RPS24: variants seen among roughly 807,000 people sequenced by gnomAD.
The protein encoded by RPS24 is ribosomal protein S24, also known as small ribosomal subunit protein eS24.
For missense variants in RPS24, 100 were observed against 162.5 expected (o/e 0.62, Z 2.09); for synonymous variants, 72 against 55.6 (o/e 1.30, Z -1.31).
intron 1 of RPS24, 21 bp from the exon 2 acceptor site, chr10:78,035,331 C>T: frequency 1.2e-6 from 2 of 1,611,700 alleles, no homozygotes; most frequent in Non-Finnish European, 1.7e-6. Flanking sequence ...GTTTTATTAA[C>T]CAGAGTGTTT....
At chr10:78,052,848 G>C (rs1189537729) in intron 4 of RPS24, among the ~76,000 whole-genome samples, 1 of 152,120 alleles carries the variant, frequency 6.6e-6, no homozygotes, top group East Asian at 1.9e-4. Context: ...TGGATAGCAG[G>C]CAGTTTTTAA....
rs948332181 is a variant in RPS24 at position 78,054,838 on chromosome 10, C to T, written c.698C>T (p.Pro233Leu). The T allele has an allele frequency of 3.2e-6, 5 of 1,551,450 alleles. No individual in the cohort carries two copies. Among genetic ancestry groups the T allele is most frequent in the African/African-American group, 1.4e-5 (1 of 73,028 alleles). ...GCCTCACCTGCTCCTGCTGGTTCTC[C>T]CCACCCTGTGGACGGTGACTTGGTC... Residue 233 changes from proline (P) to leucine (L), a missense_variant, in exon 5 of 5, where the codon CCC becomes CTC. Pro to Leu is a moderately conservative substitution (Grantham distance 98, BLOSUM62 -3). Coordinates refer to the RPS24 transcript ENST00000440692.
chr10:78,055,205 G>T (rs188440005), exon 5 of RPS24: 11 of 896,214 alleles, frequency 1.2e-5, no homozygotes, highest in Non-Finnish European at 1.5e-5. Context: ...AATCCCCCAC[G>T]ACCTGGCCAC....
intron 1 of RPS24, 123 bp from the exon 2 acceptor site, chr10:78,035,229 A>G: frequency 2.1e-6 from 2 of 958,544 alleles, no homozygotes; most frequent in Admixed American, 3.6e-5. Flanking sequence ...GGTTTTATTT[A>G]CTTTAGTTCG....
intron 4 of RPS24, chr10:78,039,254 TTA>T: frequency 6.6e-6 from 1 of 152,338 alleles, no homozygotes; most frequent in East Asian, 1.9e-4. Context: ...GTCAAAAGAA[TTA>T]GTCAAAATTT....
chr10:78,041,884 G>T (rs1564630868), downstream of RPS24, among the ~76,000 whole-genome samples: 1 of 152,234 alleles, frequency 6.6e-6, no homozygotes, highest in African/African-American at 2.4e-5. Context: ...TTGAAGGTTG[G>T]CATCAAAGTC....
exon 5 of RPS24, chr10:78,055,150 C>T: frequency 7.5e-6 from 10 of 1,325,682 alleles, no homozygotes; most frequent in Non-Finnish European, 9.7e-6. Flanking sequence ...TCCAGGGCTC[C>T]ACATCTCTCT....
Position 78,054,648 on chromosome 10 carries a change from G to C in RPS24, c.508G>C (p.Val170Leu), listed in dbSNP as rs1056787076. 7 of 1,551,612 alleles carry C rather than the reference G, an allele frequency of 4.5e-6. No homozygotes were observed. The African/African-American group carries it at 9.6e-5, about 21-fold the overall frequency. Reference sequence around the variant, plus strand: ...CCGGGGGGTTGTGTGGCAGGTAGAAGTGCCAGGACCGTGGAGCGTGTGGAC... The same window carrying C: ...CCGGGGGGTTGTGTGGCAGGTAGAACTGCCAGGACCGTGGAGCGTGTGGAC... Residue 170 changes from valine (V) to leucine (L), a missense_variant, in exon 5 of 5, where the codon GTG (valine) becomes CTG (leucine). By Grantham distance (32) the Val-to-Leu change is conservative. Transcript: ENST00000440692.
rs573950340 is a variant in RPS24, at chr10:78,046,379, G to A, written c.391-8152G>A. ...TTTTTTTTTTTTGAGAATGAGTCTC[G>A]CTCTGTCACCCAGGCTGGAGCTCTG... On this transcript the variant is annotated intron_variant, in intron 4 of 4. Transcript: ENST00000440692. Among the ~76,000 whole-genome samples the A allele has an allele frequency of 1.1e-3, 136 of 125,164 alleles. 1 individual carries two copies. The highest frequency in any genetic ancestry group is 4.4e-3 in the African/African-American group (127 of 28,702). The allele number at this position is 125,164 out of a possible 152,430, so 82.1% of individuals were successfully genotyped here.
intron 1 of RPS24, 149 bp downstream of exon 1, chr10:78,034,053 G>C: frequency 2.9e-6 from 3 of 1,017,224 alleles, no homozygotes; most frequent in South Asian, 2.5e-5. Flanking sequence ...GGGGCTCGGG[G>C]CTGTTGGCAG....
At chr10:78,050,617 A>G (rs1848089629) in intron 4 of RPS24, among the ~76,000 whole-genome samples, 1 of 152,078 alleles carries the variant, frequency 6.6e-6, no homozygotes, top group African/African-American at 2.4e-5. Flanking sequence ...CTAATTTTTA[A>G]ACATTTTGAT....
chr10:78,040,118 G>T (rs1847960826), intron 4 of RPS24, 86 bp from the exon 5 acceptor site: 7 of 1,306,210 alleles, frequency 5.4e-6, no homozygotes, highest in Non-Finnish European at 7.8e-6. Context: ...CTTAAATGCA[G>T]ATTATTTTGG....
chr10:78,044,447 T>A (rs181338228), downstream of RPS24, among the ~76,000 whole-genome samples: 388 of 152,236 alleles, frequency 2.5e-3, 7 homozygotes, highest in Non-Finnish European at 3.6e-3. Context: ...GAGCAGAGTT[T>A]TGCACAATGC....
intron 4 of RPS24, among the ~76,000 whole-genome samples, chr10:78,048,349 A>G (rs968313457): frequency 2.8e-4 from 42 of 152,024 alleles, no homozygotes; most frequent in African/African-American, 8.7e-4. Context: ...TTCCAAAAAT[A>G]CATTGCCTCG....
chr10:78,054,897 ACT>A lies in RPS24; in HGVS notation c.760_761del (p.Leu254ValfsTer16). On this transcript the variant is annotated frameshift_variant, in exon 5 of 5. Coordinates refer to the RPS24 transcript ENST00000440692. LOFTEE classifies it low-confidence loss of function (END_TRUNC). ...GCCAGAAGCCTTGTCAGCAACCTTGACTCTGTCACCCCACATCCAGGCCATCA... is the reference window on the plus strand; with the variant it reads ...GCCAGAAGCCTTGTCAGCAACCTTGACTGTCACCCCACATCCAGGCCATCA... 6.5e-7 allele frequency: 1 copy of A among 1,540,420 alleles called. No individual in the cohort carries two copies.
In RPS24 at chr10:78,035,063, G is replaced by A. The variant is rs75545941; in HGVS notation, c.4-289G>A. On this transcript the variant is annotated intron_variant, in intron 1 of 5. Transcript: ENST00000372360. ...CATATCCATATGGAATTATCCATATGGAAATATCAGTAGTGCTGAGGTTGA... is the reference window on the plus strand; with the variant it reads ...CATATCCATATGGAATTATCCATATAGAAATATCAGTAGTGCTGAGGTTGA... Among the ~76,000 whole-genome samples, 2,358 of 152,224 alleles carry A rather than the reference G, an allele frequency of 0.015. 56 individuals are homozygous for A. The highest frequency in any genetic ancestry group is 0.052 in the African/African-American group (2,143 of 41,526).
At chr10:78,051,341 G>C (rs1381743420) in intron 4 of RPS24, among the ~76,000 whole-genome samples, 1 of 152,200 alleles carries the variant, frequency 6.6e-6, no homozygotes, top group Admixed American at 6.5e-5. Context: ...AAATCATATA[G>C]TGTATATAGG....
chr10:78,035,136 A>G (rs569945991), intron 1 of RPS24, among the ~76,000 whole-genome samples: 3 of 152,358 alleles, frequency 2.0e-5, no homozygotes, highest in African/African-American at 7.2e-5. Context: ...TAAGTTGTAC[A>G]GATTCATGTG....
downstream of RPS24, among the ~76,000 whole-genome samples, chr10:78,041,733 G>A (rs1483984303): frequency 6.6e-6 from 1 of 152,152 alleles, no homozygotes; most frequent in Non-Finnish European, 1.5e-5. Flanking sequence ...GATGGGATGG[G>A]ATGGGATGGG....
Sources: gnomAD v4.1 joint callset for allele counts (sites outside exome capture counted in the v4.1 genomes callset) on GRCh38, gnomAD v4.1.1 for gene constraint, MANE v1.5 for transcripts, NCBI Gene and HGNC (gene_info 2026-07-23, HGNC 2026-07-21) for gene names.